The following FGF4 variants were observed in gnomAD, a reference collection of about 807,000 sequenced individuals.
FGF4 encodes heparin secretory transforming protein 1.
A neutral mutation model predicts 15.7 loss-of-function variants in FGF4; 9 were observed. The ratio of observed to expected loss-of-function variants is 0.57; its 90% confidence interval spans 0.35 to 1.00. FGF4 has a LOEUF of 1.00. Ranked by LOEUF, FGF4 falls within the 50% of genes least tolerant of loss-of-function variation. The probability of loss-of-function intolerance (pLI) is 0.02; values close to 1 mark genes in which losing one functional copy is unlikely to be tolerated. For synonymous variants in FGF4, 164 were observed against 144.8 expected, an observed-to-expected ratio of 1.13 and a Z score of -0.95; for missense variants, 286 against 297.3, an observed-to-expected ratio of 0.96 and a Z score of 0.28.
chr11:69,775,265 G>A lies in FGF4; in HGVS notation c.-181C>T, dbSNP rs1165394617. ...GCGCCGGGCTCTACCCCGGCTGCAT[G>A]GAGCGGCGAGCCGGGCGGAAAGCGC... On this transcript the variant is annotated 5_prime_UTR_variant, in exon 1 of 3. Coordinates refer to ENST00000168712, the MANE Select transcript of FGF4 (RefSeq NM_002007.4). 1.3e-5 allele frequency: 5 copies of A among 398,206 alleles called. No individual in the cohort carries two copies. The highest frequency in any genetic ancestry group is 2.2e-5 in the Non-Finnish European group (5 of 229,498). 24.7% of individuals were successfully genotyped at this position (398,206 alleles called of 1,614,324 possible). A position where few individuals can be genotyped will look rare whatever the true frequency, so the allele number is the denominator to read the frequency against.
chr11:69,772,259 T>C lies in FGF4; in HGVS notation c.*1050A>G, dbSNP rs1321262828. ...GGGGTTTCAGGGCTTGTGAGGTAGA[T>C]GTTAAACGCACTTAAACAGGGAATG... On this transcript the variant is annotated 3_prime_UTR_variant, in exon 3 of 3. Coordinates refer to ENST00000168712, the MANE Select transcript of FGF4 (RefSeq NM_002007.4). The C allele has an allele frequency of 6.6e-6, 1 of 152,220 alleles. No individual in the cohort carries two copies. Among genetic ancestry groups the C allele is most frequent in the African/African-American group, 2.4e-5 (1 of 41,464 alleles). 9.4% of individuals were successfully genotyped at this position (152,220 alleles called of 1,614,324 possible).
Position 69,772,572 on chromosome 11 carries a change from AT to A in FGF4, c.*736del, listed in dbSNP as rs1855584418. The A allele has an allele frequency of 6.6e-6, 1 of 152,146 alleles. No individual in the cohort carries two copies. The highest frequency in any genetic ancestry group is 2.1e-4 in the South Asian group (1 of 4,790). The allele number at this position is 152,146 out of a possible 1,614,324, so 9.4% of individuals were successfully genotyped here. A position where few individuals can be genotyped will look rare whatever the true frequency, so the allele number is the denominator to read the frequency against. On this transcript the variant is annotated 3_prime_UTR_variant, in exon 3 of 3. Coordinates refer to ENST00000168712, the MANE Select transcript of FGF4 (RefSeq NM_002007.4). ...TTTCTAGCCTTCCAGTGGGATATTG[AT>A]TCCTCTCCATGGAATTTATGAAAGA... is the stretch of plus-strand genomic sequence containing the variant.
chr11:69,773,556 T>A (rs1590950919), intron 2 of FGF4, 71 bp from the exon 3 acceptor site: 3 of 1,464,450 alleles, frequency 2.0e-6, no homozygotes, highest in South Asian at 1.2e-5. Flanking sequence ...AAGCCAGGGG[T>A]CAGAACCCCC....
rs1430856517 is a variant in FGF4, at chr11:69,773,191, A to G, written c.*118T>C. 1.4e-6 allele frequency: 1 copy of G among 704,860 alleles called. No homozygotes were observed. Among genetic ancestry groups the G allele is most frequent in the African/African-American group, 1.8e-5 (1 of 55,576 alleles). 43.7% of individuals were successfully genotyped at this position (704,860 alleles called of 1,614,324 possible). A position where few individuals can be genotyped will look rare whatever the true frequency, so the allele number is the denominator to read the frequency against. ...ATATACACATTTAAATAATTAATTT[A>G]AATATCTTACACCTACTCTTGCATT... On this transcript the variant is annotated 3_prime_UTR_variant, in exon 3 of 3. Coordinates refer to ENST00000168712, the MANE Select transcript of FGF4 (RefSeq NM_002007.4).
In FGF4 at chr11:69,775,168, G is replaced by T; in HGVS notation, c.-84C>A. 1 of 963,014 alleles carries T rather than the reference G, an allele frequency of 1.0e-6. No homozygotes were observed. Among genetic ancestry groups the T allele is most frequent in the Non-Finnish European group, 1.4e-6 (1 of 739,232 alleles). 59.7% of individuals were successfully genotyped at this position (963,014 alleles called of 1,614,324 possible). On this transcript the variant is annotated 5_prime_UTR_variant, in exon 1 of 3. Transcript: ENST00000168712. ...AGAGCTGCGCCTGTGGCGTCCCGCG[G>T]GAGCGCACGGCCGACCTCGGGCAGG...
In FGF4 at chr11:69,773,267, C is replaced by G; in HGVS notation, c.*42G>C. On this transcript the variant is annotated 3_prime_UTR_variant, in exon 3 of 3. Coordinates refer to ENST00000168712, the MANE Select transcript of FGF4 (RefSeq NM_002007.4). The stretch of plus-strand genomic sequence containing the variant: ...CCAAGGTGACCCTCGGCACTGCCCT[C>G]CCAGGGGCTTCCCGAGGCTGAGGCA... The G allele has an allele frequency of 2.5e-6, 4 of 1,600,230 alleles. No individual in the cohort carries two copies. The highest frequency in any genetic ancestry group is 3.4e-6 in the Non-Finnish European group (4 of 1,168,366).
chr11:69,773,234 A>G lies in FGF4; in HGVS notation c.*75T>C. 7.9e-7 allele frequency: 1 copy of G among 1,260,426 alleles called. No individual in the cohort carries two copies. 78.1% of individuals were successfully genotyped at this position (1,260,426 alleles called of 1,614,324 possible). On this transcript the variant is annotated 3_prime_UTR_variant, in exon 3 of 3. Coordinates refer to ENST00000168712, the MANE Select transcript of FGF4 (RefSeq NM_002007.4). ...CTTGCATTAAACTCTTCATCCGAAG[A>G]AAGTGCACCAAGGTGACCCTCGGCA...
At chr11:69,773,515 G>C in intron 2 of FGF4, 30 bp from the exon 3 acceptor site, 1 of 1,612,340 alleles carries the variant, frequency 6.2e-7, no homozygotes, top group South Asian at 1.1e-5. Context: ...TGTCAGGGCT[G>C]GGGCACCTCT....
rs749360402 is a variant in FGF4 at position 69,773,286 on chromosome 11, T to G, written c.*23A>C. The G allele has an allele frequency of 6.2e-7, 1 of 1,612,356 alleles. No homozygotes were observed. The highest frequency in any genetic ancestry group is 8.5e-7 in the Non-Finnish European group (1 of 1,178,618). On this transcript the variant is annotated 3_prime_UTR_variant, in exon 3 of 3. Coordinates refer to ENST00000168712, the MANE Select transcript of FGF4 (RefSeq NM_002007.4). ...TGCCCTCCCAGGGGCTTCCCGAGGC[T>G]GAGGCAAGGGTCCTCTGGAGGGTCA...
In FGF4 at chr11:69,773,602, C is replaced by G; in HGVS notation, c.445-117G>C. 4.3e-6 allele frequency: 4 copies of G among 923,166 alleles called. No individual in the cohort carries two copies. In the Admixed American group the frequency reaches 5.8e-5, roughly 13 times the overall value. 57.2% of individuals were successfully genotyped at this position (923,166 alleles called of 1,614,324 possible). Reference sequence around the variant, plus strand: ...CCCCCCACCCTGGGCTGAGATGTCTCTGCTGAGCAGTTAAGGTGTCAAGAC... The same window carrying G: ...CCCCCCACCCTGGGCTGAGATGTCTGTGCTGAGCAGTTAAGGTGTCAAGAC... On this transcript the variant is annotated intron_variant, in intron 2 of 2. Coordinates refer to ENST00000168712, the MANE Select transcript of FGF4 (RefSeq NM_002007.4).
chr11:69,772,134 A>T lies in FGF4; in HGVS notation c.*1175T>A, dbSNP rs1212827681. The T allele has an allele frequency of 6.6e-6, 1 of 152,220 alleles. No homozygotes were observed. The highest frequency in any genetic ancestry group is 1.5e-5 in the Non-Finnish European group (1 of 68,040). The allele number at this position is 152,220 out of a possible 1,614,324, so 9.4% of individuals were successfully genotyped here. ...ACGTGACAAGGTTCGAATGGGACGC[A>T]CCGACGCTATCTGCAATCCTTTTTG... On this transcript the variant is annotated 3_prime_UTR_variant, in exon 3 of 3. Transcript: ENST00000168712.
Position 69,775,265 on chromosome 11 carries a change from G to T in FGF4, c.-181C>A. The T allele has an allele frequency of 2.5e-6, 1 of 398,314 alleles. No homozygotes were observed. The highest frequency in any genetic ancestry group is 3.7e-5 in the East Asian group (1 of 27,148). 24.7% of individuals were successfully genotyped at this position (398,314 alleles called of 1,614,324 possible). On this transcript the variant is annotated 5_prime_UTR_variant, in exon 1 of 3. Coordinates refer to ENST00000168712, the MANE Select transcript of FGF4 (RefSeq NM_002007.4). The stretch of plus-strand genomic sequence containing the variant: ...GCGCCGGGCTCTACCCCGGCTGCAT[G>T]GAGCGGCGAGCCGGGCGGAAAGCGC...
chr11:69,773,278 C>A lies in FGF4; in HGVS notation c.*31G>T. 6.2e-7 allele frequency: 1 copy of A among 1,610,718 alleles called. No individual in the cohort carries two copies. The highest frequency in any genetic ancestry group is 8.5e-7 in the Non-Finnish European group (1 of 1,177,428). On this transcript the variant is annotated 3_prime_UTR_variant, in exon 3 of 3. Coordinates refer to ENST00000168712, the MANE Select transcript of FGF4 (RefSeq NM_002007.4). Reference sequence around the variant, plus strand: ...CTCGGCACTGCCCTCCCAGGGGCTTCCCGAGGCTGAGGCAAGGGTCCTCTG... The same window carrying A: ...CTCGGCACTGCCCTCCCAGGGGCTTACCGAGGCTGAGGCAAGGGTCCTCTG...
rs1855565058 is a variant in FGF4 at position 69,771,274 on chromosome 11, C to A, written c.*2035G>T. On this transcript the variant is annotated 3_prime_UTR_variant, in exon 3 of 3. Transcript: ENST00000168712. ...TTTTAAAGGTACAGTTGTGTTCCTA[C>A]AGGCATCACACATGATTTGTTGAAG... The A allele has an allele frequency of 6.6e-6, 1 of 152,204 alleles. No homozygotes were observed. Among genetic ancestry groups the A allele is most frequent in the Non-Finnish European group, 1.5e-5 (1 of 68,046 alleles). The allele number at this position is 152,204 out of a possible 1,614,324, so 9.4% of individuals were successfully genotyped here.
rs1185197340 is a variant in FGF4, at chr11:69,772,613, C to G, written c.*696G>C. ...TTTATGAAAGAGCTTCGTCTTTTCC[C>G]CAATAGTCACAGCGATGGGGGCTGT... On this transcript the variant is annotated 3_prime_UTR_variant, in exon 3 of 3. Coordinates refer to ENST00000168712, the MANE Select transcript of FGF4 (RefSeq NM_002007.4). 1 of 152,188 alleles carries G rather than the reference C, an allele frequency of 6.6e-6. No individual in the cohort carries two copies. The highest frequency in any genetic ancestry group is 1.9e-4 in the East Asian group (1 of 5,194). The allele number at this position is 152,188 out of a possible 1,614,324, so 9.4% of individuals were successfully genotyped here.
rs988526004 is a variant in FGF4 at position 69,772,510 on chromosome 11, G to C, written c.*799C>G. On this transcript the variant is annotated 3_prime_UTR_variant, in exon 3 of 3. Transcript: ENST00000168712. ...ATCACAAATTATTTTTCATCACTAG[G>C]GTTTTGTTTGTGATTGCAAATACAC... 6.6e-6 allele frequency: 1 copy of C among 152,144 alleles called. No individual in the cohort carries two copies. Among genetic ancestry groups the C allele is most frequent in the Non-Finnish European group, 1.5e-5 (1 of 68,038 alleles). 9.4% of individuals were successfully genotyped at this position (152,144 alleles called of 1,614,324 possible).
Position 69,772,914 on chromosome 11 carries a change from C to T in FGF4, c.*395G>A. 4.8e-6 allele frequency: 1 copy of T among 208,580 alleles called. No homozygotes were observed. Among genetic ancestry groups the T allele is most frequent in the East Asian group, 7.9e-5 (1 of 12,672 alleles). 12.9% of individuals were successfully genotyped at this position (208,580 alleles called of 1,614,324 possible). On this transcript the variant is annotated 3_prime_UTR_variant, in exon 3 of 3. Transcript: ENST00000168712. Reference sequence around the variant, plus strand: ...CTCCCTGAACTGGCTGCCCAAGCCTCAGGCGGGCCTTTCCAGACAGAGATG... The same window carrying T: ...CTCCCTGAACTGGCTGCCCAAGCCTTAGGCGGGCCTTTCCAGACAGAGATG...
At position 69,771,120 on chromosome 11, in the gene FGF4, G is replaced by A. The variant is rs1168109773; in HGVS notation, c.*2189C>T. ...TACACGATAAACGCTTATCATTGTC[G>A]GTCAGCATGTCAATGTGCACAGCAC... On this transcript the variant is annotated 3_prime_UTR_variant, in exon 3 of 3. Coordinates refer to ENST00000168712, the MANE Select transcript of FGF4 (RefSeq NM_002007.4). 6.6e-6 allele frequency: 1 copy of A among 152,182 alleles called. No homozygotes were observed. The highest frequency in any genetic ancestry group is 1.5e-5 in the Non-Finnish European group (1 of 68,040). The allele number at this position is 152,182 out of a possible 1,614,324, so 9.4% of individuals were successfully genotyped here.
Position 69,772,222 on chromosome 11 carries a change from TGG to T in FGF4, c.*1085_*1086del, listed in dbSNP as rs1270357434. 6.6e-6 allele frequency: 1 copy of T among 152,242 alleles called. No individual in the cohort carries two copies. Among genetic ancestry groups the T allele is most frequent in the Non-Finnish European group, 1.5e-5 (1 of 68,052 alleles). 9.4% of individuals were successfully genotyped at this position (152,242 alleles called of 1,614,324 possible). A position where few individuals can be genotyped will look rare whatever the true frequency, so the allele number is the denominator to read the frequency against. ...TCCTGCACCGGGTATGAGCTTTCTG[TGG>T]GTTTTGCCTGGGGTTTCAGGGCTTG... On this transcript the variant is annotated 3_prime_UTR_variant, in exon 3 of 3. Transcript: ENST00000168712.
Sources: gnomAD v4.1 joint callset for allele counts on GRCh38, gnomAD v4.1.1 for gene constraint, MANE v1.5 for transcripts, NCBI Gene and HGNC (gene_info 2026-07-23, HGNC 2026-07-21) for gene names.